The following MYRIP variants were observed in gnomAD, a reference collection of about 807,000 sequenced individuals.
MYRIP encodes myosin VIIA and Rab interacting protein, also known as rab effector MyRIP.
Under a neutral mutation model 98.0 loss-of-function variants are expected in MYRIP, and 49 were observed. That is an observed-to-expected ratio of 0.50 (90% CI 0.40 to 0.63). The LOEUF (loss-of-function observed/expected upper bound fraction) is 0.63. Ranked by LOEUF, MYRIP falls within the 30% of genes least tolerant of loss-of-function variation. MYRIP has a pLI of 0.00. For missense variants in MYRIP, 1,004 were observed against 1,058.2 expected, an observed-to-expected ratio of 0.95 and a Z score of 0.71; for synonymous variants, 404 against 409.5, an observed-to-expected ratio of 0.99 and a Z score of 0.16.
chr3:40,190,440 C>A lies in MYRIP; in HGVS notation c.1642C>A (p.Leu548Ile). 6.3e-7 allele frequency: 1 copy of A among 1,599,054 alleles called. No individual in the cohort carries two copies. Among genetic ancestry groups the A allele is most frequent in the Non-Finnish European group, 8.5e-7 (1 of 1,172,698 alleles). The part of the protein sequence containing the change: ...SKEPSSPSAQ[L>I]RDLDTHQVSD... ...AGAACCATCTTCCCCCAGCGCCCAG[C>A]TCCGGGATCTAGACACACATCAGGT... Residue 548 changes from leucine to isoleucine, a missense_variant, in exon 10 of 17, where the codon CTC becomes ATC. Coordinates refer to ENST00000302541, the MANE Select transcript of MYRIP (RefSeq NM_015460.4).
At chr3:40,045,343 T>G (rs1257150887) in intron 3 of MYRIP, among the ~76,000 whole-genome samples, 1 of 152,124 alleles carries the variant, frequency 6.6e-6, no homozygotes, top group East Asian at 1.9e-4. Context: ...AAGTGGTATG[T>G]TAAGCACCCA....
chr3:40,246,683 G>T (rs1015511500), intron 13 of MYRIP, among the ~76,000 whole-genome samples: 1 of 152,184 alleles, frequency 6.6e-6, no homozygotes, highest in Non-Finnish European at 1.5e-5. Context: ...TTGTGACTCA[G>T]CTTCCAAACT....
At chr3:39,919,763 CTG>C (rs971411501) in intron 2 of MYRIP, among the ~76,000 whole-genome samples, 1 of 148,754 alleles carries the variant, frequency 6.7e-6, no homozygotes, top group African/African-American at 2.5e-5. Context: ...TCATTGATGA[CTG>C]TATTTTTAAT....
At chr3:40,211,166 T>TTA (rs1219852889) in intron 11 of MYRIP, among the ~76,000 whole-genome samples, 1 of 152,214 alleles carries the variant, frequency 6.6e-6, no homozygotes, top group African/African-American at 2.4e-5. Context: ...CTGCTTGGCC[T>TTA]TAAATCACAG....
At chr3:39,919,339 G>A (rs961650091) in intron 2 of MYRIP, among the ~76,000 whole-genome samples, 1 of 152,182 alleles carries the variant, frequency 6.6e-6, no homozygotes, top group Non-Finnish European at 1.5e-5. Flanking sequence ...AAGGTCCTAG[G>A]TCAGACTGCA....
chr3:40,044,221 C>T lies in MYRIP; in HGVS notation c.282C>T (p.Ser94=), dbSNP rs1390906658. 1 of 1,614,196 alleles carries T rather than the reference C, an allele frequency of 6.2e-7. No individual in the cohort carries two copies. Among genetic ancestry groups the T allele is most frequent in the Admixed American group, 1.7e-5 (1 of 60,020 alleles). ...CKFNVCKSCC[S]YQKHEKAWVC... ...TCAATGTCTGCAAGAGCTGCTGCTC[C>T]TACCAGAAGCACGAAAAGGCCTGGG... The change falls in exon 3 of 17, where the codon TCC becomes TCT. Residue 94 remains serine, a synonymous_variant. Coordinates refer to ENST00000302541, the MANE Select transcript of MYRIP (RefSeq NM_015460.4).
At chr3:39,959,674 T>TA (rs11310709) in intron 2 of MYRIP, among the ~76,000 whole-genome samples, 5,061 of 142,824 alleles carry the variant, frequency 0.035, 259 homozygotes, top group African/African-American at 0.12. Context: ...AAGTATACTT[T>TA]AAAAAAAAAA....
intron 16 of MYRIP, 134 bp downstream of exon 16, chr3:40,252,133 G>T: frequency 1.5e-6 from 1 of 686,892 alleles, no homozygotes; most frequent in Non-Finnish European, 2.5e-6. Context: ...ATGGTCTGTT[G>T]GATTTGACTG....
At chr3:39,874,502 T>C (rs931523740) in intron 1 of MYRIP, among the ~76,000 whole-genome samples, 1 of 152,198 alleles carries the variant, frequency 6.6e-6, no homozygotes, top group Non-Finnish European at 1.5e-5. Flanking sequence ...CTTATTATTT[T>C]GAGATACGTC....
chr3:40,189,246 T>C (rs1166854435), intron 9 of MYRIP, among the ~76,000 whole-genome samples: 1 of 152,228 alleles, frequency 6.6e-6, no homozygotes, highest in African/African-American at 2.4e-5. Flanking sequence ...ATACCAAAGT[T>C]TTTTGGCCTC....
chr3:39,925,949 C>CAGTGTGTA (rs549785270), intron 2 of MYRIP, among the ~76,000 whole-genome samples: 106 of 152,258 alleles, frequency 7.0e-4, no homozygotes, highest in African/African-American at 2.4e-3. Flanking sequence ...TTCTCACCAA[C>CAGTGTGTA]AGTGTGTAAG....
intron 2 of MYRIP, among the ~76,000 whole-genome samples, chr3:39,954,120 C>A (rs1945095897): frequency 6.6e-6 from 1 of 152,148 alleles, no homozygotes; most frequent in Non-Finnish European, 1.5e-5. Context: ...GAAATTTCTG[C>A]AGACTTAAAA....
intron 1 of MYRIP, among the ~76,000 whole-genome samples, chr3:39,870,096 CAGGGCA>C (rs1215609881): frequency 6.6e-6 from 1 of 151,998 alleles, no homozygotes; most frequent in Non-Finnish European, 1.5e-5. Flanking sequence ...CAGTCACATC[CAGGGCA>C]AGGGCAAGGG....
At chr3:40,043,694 CCTG>C (rs1209294200) in intron 2 of MYRIP, among the ~76,000 whole-genome samples, 1 of 152,146 alleles carries the variant, frequency 6.6e-6, no homozygotes, top group African/African-American at 2.4e-5. Context: ...TAAGTGATCT[CCTG>C]CTCCTTTAAA....
intron 11 of MYRIP, among the ~76,000 whole-genome samples, chr3:40,212,098 G>A (rs1285968120): frequency 1.4e-5 from 2 of 142,084 alleles, no homozygotes; most frequent in African/African-American, 5.1e-5. Context: ...ATATATATGT[G>A]TGTGTGTATA....
chr3:40,218,632 A>AT (rs796417406), intron 11 of MYRIP, among the ~76,000 whole-genome samples: 1 of 90,896 alleles, frequency 1.1e-5, no homozygotes. Context: ...ATATATATAT[A>AT]TATATATATA....
intron 11 of MYRIP, among the ~76,000 whole-genome samples, chr3:40,228,565 C>T (rs1182220273): frequency 6.6e-6 from 1 of 152,184 alleles, no homozygotes; most frequent in Non-Finnish European, 1.5e-5. Context: ...ATACTGTACG[C>T]TTCCCTATCT....
chr3:40,000,597 A>G (rs1489935369), intron 2 of MYRIP, among the ~76,000 whole-genome samples: 1 of 152,152 alleles, frequency 6.6e-6, no homozygotes, highest in East Asian at 1.9e-4. Context: ...ATATCTTTAC[A>G]CAGCTGTGCC....
intron 2 of MYRIP, among the ~76,000 whole-genome samples, chr3:39,963,812 A>G (rs1283536124): frequency 6.6e-6 from 1 of 152,156 alleles, no homozygotes; most frequent in Non-Finnish European, 1.5e-5. Context: ...CTCATTGTTT[A>G]CAGCTTATTT....
Sources: gnomAD v4.1 joint callset for allele counts (sites outside exome capture counted in the v4.1 genomes callset) on GRCh38, gnomAD v4.1.1 for gene constraint, MANE v1.5 for transcripts, NCBI Gene and HGNC (gene_info 2026-07-23, HGNC 2026-07-21) for gene names.